The following KERA variants were observed in gnomAD, a reference collection of about 807,000 sequenced individuals.
KERA encodes the protein keratocan.
Under a neutral mutation model 26.4 loss-of-function variants are expected in KERA, and 25 were observed. The ratio of observed to expected loss-of-function variants is 0.95; its 90% CI spans 0.69 to 1.32. KERA has a LOEUF of 1.32. Among genes scored for constraint, KERA ranks in the 40% most tolerant of loss-of-function variants. KERA has a pLI of 0.00. For missense variants in KERA, 434 were observed against 408.9 expected (o/e 1.06, Z -0.53); for synonymous variants, 167 against 146.1 (o/e 1.14, Z -1.03).
At position 91,055,447 on chromosome 12, in the gene KERA, G is replaced by A. The variant is rs386833986; in HGVS notation, c.835C>T (p.Arg279Ter). 34 of 1,609,986 alleles carry A rather than the reference G, an allele frequency of 2.1e-5. No homozygotes were observed. The highest frequency in any genetic ancestry group is 4.5e-5 in the East Asian group (2 of 44,776). The change falls in exon 2 of 3, where the codon CGA becomes TGA. Residue 279 changes from arginine to a stop codon, truncating the protein, a stop_gained. Coordinates refer to ENST00000266719, the MANE Select transcript of KERA (RefSeq NM_007035.4). LOFTEE classifies it high-confidence loss of function. ...LSHNQLTKVP[R>*]ISAHLQHLHL... ...AGGTGCTGCAGATGAGCACTGATTC[G>A]GGGAACCTTTGTGAGTTGATTGTGC...
chr12:91,054,368 C>A (rs888543892), intron 2 of KERA, among the ~76,000 whole-genome samples: 1 of 151,342 alleles, frequency 6.6e-6, no homozygotes, highest in African/African-American at 2.4e-5. Context: ...CTGAATATTA[C>A]TTTTGGAATG....
In KERA at chr12:91,051,370, T is replaced by C. The variant is rs1878860991; in HGVS notation, c.1035A>G (p.Arg345=). 1 of 1,611,110 alleles carries C rather than the reference T, an allele frequency of 6.2e-7. No homozygotes were observed. Residue 345 remains arginine, a synonymous_variant, in exon 3 of 3, where the codon AGA becomes AGG. Coordinates refer to ENST00000266719, the MANE Select transcript of KERA (RefSeq NM_007035.4). The part of the protein sequence containing the change: ...PIPMALMTCF[R]LLQAVII ...TTTAAATAATGACAGCCTGCAGAAGTCTGAAGCAGGTCATTAAAGCCATTG... is the reference window on the plus strand; with the variant it reads ...TTTAAATAATGACAGCCTGCAGAAGCCTGAAGCAGGTCATTAAAGCCATTG...
rs1387243299 is a variant in KERA at position 91,055,674 on chromosome 12, G to A, written c.608C>T (p.Ala203Val). Residue 203 changes from alanine (A) to valine (V), a missense_variant, in exon 2 of 3, where the codon GCC becomes GTC. Physicochemically the swap from Ala to Val is moderately conservative, Grantham distance 64. Coordinates refer to ENST00000266719, the MANE Select transcript of KERA (RefSeq NM_007035.4). ...TAATCTTGGAGGCATATTCCTCAGGGCATTCTTGGCCATGTTTAGCTGCAT... is the reference window on the plus strand; with the variant it reads ...TAATCTTGGAGGCATATTCCTCAGGACATTCTTGGCCATGTTTAGCTGCAT... The part of the protein sequence containing the change: ...NLMQLNMAKN[A>V]LRNMPPRLPA... The A allele has an allele frequency of 6.2e-7, 1 of 1,611,242 alleles. No individual in the cohort carries two copies. Among genetic ancestry groups the A allele is most frequent in the Admixed American group, 1.7e-5 (1 of 59,730 alleles).
rs2120951585 is a variant in KERA, at chr12:91,051,251, G to A, written c.*95C>T. The A allele has an allele frequency of 9.8e-7, 1 of 1,023,212 alleles. No homozygotes were observed. The highest frequency in any genetic ancestry group is 2.5e-5 in the East Asian group (1 of 40,062). The allele number at this position is 1,023,212 out of a possible 1,614,324, so 63.4% of individuals were successfully genotyped here. ...ATGAAAATGGTGGCCGAGAGCAATG[G>A]GGAATATGACTTGTGTCCTAAACCT... On this transcript the variant is annotated 3_prime_UTR_variant, in exon 3 of 3. Transcript: ENST00000266719.
At chr12:91,056,977 TTCTCTCTC>T (rs886485276) in intron 1 of KERA, among the ~76,000 whole-genome samples, 2 of 147,074 alleles carry the variant, frequency 1.4e-5, no homozygotes, top group South Asian at 2.1e-4. Flanking sequence ...CTCTCTCCCT[TTCTCTCTC>T]TCTCTCTCTC....
chr12:91,051,554 A>G (rs779858214), intron 2 of KERA, 36 bp from the exon 3 acceptor site: 7 of 1,512,138 alleles, frequency 4.6e-6, no homozygotes, highest in Non-Finnish European at 6.4e-6. Context: ...ATGAATTGGA[A>G]CACAAGAGAA....
chr12:91,056,892 G>T (rs1425577848), intron 1 of KERA, among the ~76,000 whole-genome samples: 1 of 151,044 alleles, frequency 6.6e-6, no homozygotes, highest in African/African-American at 2.4e-5. Flanking sequence ...TTTTTTGAGG[G>T]TGGGGGAAGA....
At chr12:91,056,649 T>C (rs920573573) in intron 1 of KERA, among the ~76,000 whole-genome samples, 1 of 151,216 alleles carries the variant, frequency 6.6e-6, no homozygotes, top group African/African-American at 2.4e-5. Flanking sequence ...AAAGTGATCT[T>C]TTAAAAACTC....
rs150620296 is a variant in KERA at position 91,055,472 on chromosome 12, C to T, written c.810G>A (p.Ser270=). ...DVSSILDLQL[S]HNQLTKVPRI... ...GGGGAACCTTTGTGAGTTGATTGTGCGACAGTTGAAGATCTAGAATTGATG... is the reference window on the plus strand; with the variant it reads ...GGGGAACCTTTGTGAGTTGATTGTGTGACAGTTGAAGATCTAGAATTGATG... Residue 270 remains serine, a synonymous_variant, in exon 2 of 3, where the codon TCG becomes TCA. Coordinates refer to ENST00000266719, the MANE Select transcript of KERA (RefSeq NM_007035.4). 53 of 1,609,640 alleles carry T rather than the reference C, an allele frequency of 3.3e-5. No individual in the cohort carries two copies. Among genetic ancestry groups the T allele is most frequent in the South Asian group, 5.5e-5 (5 of 90,866 alleles).
At position 91,056,051 on chromosome 12, in the gene KERA, A is replaced by G. The variant is rs1405395442; in HGVS notation, c.231T>C (p.Tyr77=). Reference sequence around the variant, plus strand: ...TGGTTTCTATCAGGTTGTTTTGAAGATAAAGATACCAAATTCTTGAAGGAA... The same window carrying G: ...TGGTTTCTATCAGGTTGTTTTGAAGGTAAAGATACCAAATTCTTGAAGGAA... ...PAIPSRIWYL[Y]LQNNLIETIP... is the part of the protein sequence containing the mutation. The change falls in exon 2 of 3, where the codon TAT becomes TAC. Residue 77 remains tyrosine, a synonymous_variant. Transcript: ENST00000266719. 6.2e-7 allele frequency: 1 copy of G among 1,608,830 alleles called. No homozygotes were observed. Among genetic ancestry groups the G allele is most frequent in the Non-Finnish European group, 8.5e-7 (1 of 1,177,670 alleles).
chr12:91,056,360 T>C (rs1879006202), intron 1 of KERA, 71 bp from the exon 2 acceptor site: 3 of 1,235,560 alleles, frequency 2.4e-6, no homozygotes, highest in South Asian at 1.2e-5. Context: ...TACATCAAAA[T>C]GATCAGTAAA....
intron 1 of KERA, among the ~76,000 whole-genome samples, chr12:91,057,228 G>T (rs1226376036): frequency 1.3e-5 from 2 of 150,066 alleles, no homozygotes; most frequent in Admixed American, 1.3e-4. Context: ...TGGAAAGTAG[G>T]TTAGCGTTTA....
chr12:91,052,319 T>A (rs1920773), intron 2 of KERA, among the ~76,000 whole-genome samples: 132,255 of 151,316 alleles, frequency 0.87, 57,882 homozygotes, highest in South Asian at 0.95. Flanking sequence ...AAATTCAGGG[T>A]ACTCTGTAAC....
chr12:91,057,599 A>G (rs1162712507), intron 1 of KERA, 145 bp downstream of exon 1: 1 of 143,144 alleles, frequency 7.0e-6, no homozygotes, highest in Non-Finnish European at 1.5e-5. Context: ...TGCTCTGGCC[A>G]TGTTCCAACA....
rs755148066 is a variant in KERA at position 91,051,502 on chromosome 12, T to G, written c.903A>C (p.Val301=). 9.9e-6 allele frequency: 16 copies of G among 1,608,494 alleles called. No individual in the cohort carries two copies. Among genetic ancestry groups the G allele is most frequent in the African/African-American group, 2.7e-5 (2 of 74,660 alleles). ...GCAGCATGGATGGGCTGGGACATATTACAGAGACATTCACACCTACAGTGA... is the reference window on the plus strand; with the variant it reads ...GCAGCATGGATGGGCTGGGACATATGACAGAGACATTCACACCTACAGTGA... The part of the protein sequence containing the change: ...HNKIKSVNVS[V]ICPSPSMLPA... Residue 301 remains valine (V), a synonymous_variant, in exon 3 of 3, where the codon GTA becomes GTC. Transcript: ENST00000266719.
intron 1 of KERA, among the ~76,000 whole-genome samples, chr12:91,057,072 G>T (rs2120965730): frequency 6.7e-6 from 1 of 150,222 alleles, no homozygotes; most frequent in East Asian, 2.0e-4. Context: ...ATATAGAGTT[G>T]AATACATTGT....
At chr12:91,051,575 G>C in intron 2 of KERA, 57 bp from the exon 3 acceptor site, 2 of 1,329,294 alleles carry the variant, frequency 1.5e-6, no homozygotes, top group Non-Finnish European at 1.1e-6. Context: ...ACTAACAGTG[G>C]GAAGACCAAA....
intron 2 of KERA, 96 bp from the exon 3 acceptor site, chr12:91,051,614 T>C: frequency 1.2e-6 from 1 of 845,576 alleles, no homozygotes; most frequent in Non-Finnish European, 2.0e-6. Flanking sequence ...TATGGAGGGC[T>C]TAGTGGCCTA....
chr12:91,055,403 T>C lies in KERA; in HGVS notation c.879A>G (p.Lys293=). ...ACTCTGCAGGTTACTTACTTTTAAT[T>C]TTGTTATGATCAAGGTGAAGGTGCT... ...HLQHLHLDHN[K]IKSVNVSVIC... is the part of the protein sequence containing the mutation. Residue 293 remains lysine, a synonymous_variant, in exon 2 of 3, where the codon AAA becomes AAG. Transcript: ENST00000266719. The C allele has an allele frequency of 6.2e-7, 1 of 1,609,874 alleles. No homozygotes were observed.
Sources: allele counts gnomAD v4.1 joint callset (sites outside exome capture counted in the v4.1 genomes callset), GRCh38; gene constraint gnomAD v4.1.1; transcripts MANE v1.5; gene names NCBI Gene and HGNC (gene_info 2026-07-23, HGNC 2026-07-21).